The following DCDC2B variants were observed in gnomAD, a reference collection of about 807,000 sequenced individuals.
DCDC2B encodes doublecortin domain-containing protein 2B.
A neutral mutation model predicts 38.9 loss-of-function variants in DCDC2B; 41 were observed. The ratio of observed to expected loss-of-function variants is 1.05; its 90% CI spans 0.82 to 1.37. DCDC2B has a LOEUF of 1.37. Among genes scored for constraint, DCDC2B ranks in the 40% most tolerant of loss-of-function variants. The pLI, the probability that DCDC2B is intolerant of heterozygous loss-of-function variation, is 0.00. For synonymous variants in DCDC2B, 181 were observed against 171.9 expected (o/e 1.05, Z -0.41); for missense variants, 453 against 427.2 (o/e 1.06, Z -0.53).
chr1:32,214,760 C>T, intron 6 of DCDC2B, 37 bp from the exon 7 acceptor site: 1 of 1,611,760 alleles, frequency 6.2e-7, no homozygotes, highest in Non-Finnish European at 8.5e-7. Flanking sequence ...TAAGAATGGC[C>T]AGCAATCAGG....
At position 32,215,508 on chromosome 1, in the gene DCDC2B, G is replaced by C; in HGVS notation, c.919G>C (p.Asp307His). ...ETAGALEVAD[D>H]EDTQTEEPLD... ...AGCGGGGGCCCTGGAAGTAGCAGATGATGAAGACACTCAGACAGAGGAGCC... is the reference window on the plus strand; with the variant it reads ...AGCGGGGGCCCTGGAAGTAGCAGATCATGAAGACACTCAGACAGAGGAGCC... Residue 307 changes from aspartate (D) to histidine (H), a missense_variant, in exon 8 of 9, where the codon GAT (aspartate) becomes CAT (histidine). By Grantham distance (81) the Asp-to-His change is moderately conservative. Transcript: ENST00000409358. 6.2e-7 allele frequency: 1 copy of C among 1,613,850 alleles called. No individual in the cohort carries two copies. The highest frequency in any genetic ancestry group is 8.5e-7 in the Non-Finnish European group (1 of 1,179,848).
At position 32,214,849 on chromosome 1, in the gene DCDC2B, G is replaced by A. The variant is rs777916886; in HGVS notation, c.767G>A (p.Arg256Gln). The stretch of plus-strand genomic sequence containing the variant: ...CAGCCCTCTCCAAAGGAACCAGACC[G>A]AATTAAGCCATCTGCTTTCTATGCC... ...VTQPSPKEPD[R>Q]IKPSAFYARP... Residue 256 changes from arginine (R) to glutamine (Q), a missense_variant, in exon 7 of 9, where the codon CGA (arginine) becomes CAA (glutamine). Physicochemically the swap from Arg to Gln is conservative, Grantham distance 43. Transcript: ENST00000409358. The A allele has an allele frequency of 1.2e-5, 20 of 1,613,828 alleles. No individual in the cohort carries two copies. Among genetic ancestry groups the A allele is most frequent in the Middle Eastern group, 1.6e-4 (1 of 6,084 alleles).
At chr1:32,209,629 C>G (rs544669227) in intron 1 of DCDC2B, among the ~76,000 whole-genome samples, 1 of 152,286 alleles carries the variant, frequency 6.6e-6, no homozygotes, top group East Asian at 1.9e-4. Flanking sequence ...GGGAAGACCA[C>G]TCTCCCACAG....
intron 1 of DCDC2B, among the ~76,000 whole-genome samples, chr1:32,210,324 C>CT (rs1426953153): frequency 1.7e-5 from 2 of 119,404 alleles, no homozygotes; most frequent in Admixed American, 8.9e-5. Context: ...GAAACTCCAT[C>CT]TAAAAAAAAA....
Position 32,215,497 on chromosome 1 carries a change from A to G in DCDC2B, c.908A>G (p.Glu303Gly). 6.2e-7 allele frequency: 1 copy of G among 1,613,762 alleles called. No individual in the cohort carries two copies. The highest frequency in any genetic ancestry group is 1.1e-5 in the South Asian group (1 of 91,066). The part of the protein sequence containing the change: ...HRRKETAGAL[E>G]VADDEDTQTE... ...AGGAAGGAGACAGCGGGGGCCCTGGAAGTAGCAGATGATGAAGACACTCAG... is the reference window on the plus strand; with the variant it reads ...AGGAAGGAGACAGCGGGGGCCCTGGGAGTAGCAGATGATGAAGACACTCAG... Residue 303 changes from glutamate to glycine, a missense_variant, in exon 8 of 9, where the codon GAA becomes GGA. Transcript: ENST00000409358.
At chr1:32,209,623 A>G (rs1218434996) in intron 1 of DCDC2B, among the ~76,000 whole-genome samples, 1 of 152,182 alleles carries the variant, frequency 6.6e-6, no homozygotes, top group African/African-American at 2.4e-5. Context: ...GCCTGTGGGA[A>G]GACCACTCTC....
chr1:32,215,717 C>A (rs1464975528), intron 8 of DCDC2B, 85 bp from the exon 9 acceptor site: 1 of 1,230,574 alleles, frequency 8.1e-7, no homozygotes, highest in African/African-American at 1.5e-5. Context: ...TTTCTTCCTT[C>A]CTTGGGGTTG....
At chr1:32,214,761 A>G (rs1638248504) in intron 6 of DCDC2B, 36 bp from the exon 7 acceptor site, 1 of 1,612,054 alleles carries the variant, frequency 6.2e-7, no homozygotes, top group African/African-American at 1.3e-5. Context: ...AAGAATGGCC[A>G]GCAATCAGGG....
rs776192541 is a variant in DCDC2B, at chr1:32,214,892, T to G, written c.810T>G (p.Ile270Met). ...TCTATGCCAGACCCCAGCAGACCAT[T>G]CAGCCAAGAAGCAAGCTCCCCACAC... is the stretch of plus-strand genomic sequence containing the variant. ...SAFYARPQQT[I>M]QPRSKLPTLS... Residue 270 changes from isoleucine (I) to methionine (M), a missense_variant, in exon 7 of 9, where the codon ATT becomes ATG. Physicochemically the swap from Ile to Met is conservative, Grantham distance 10. Transcript: ENST00000409358. 6.2e-7 allele frequency: 1 copy of G among 1,613,870 alleles called. No individual in the cohort carries two copies. Among genetic ancestry groups the G allele is most frequent in the Admixed American group, 1.7e-5 (1 of 60,026 alleles).
Position 32,209,177 on chromosome 1 carries a change from G to A in DCDC2B, c.84G>A (p.Val28=). 1.9e-6 allele frequency: 3 copies of A among 1,614,018 alleles called. No homozygotes were observed. The highest frequency in any genetic ancestry group is 8.5e-7 in the Non-Finnish European group (1 of 1,179,894). Residue 28 remains valine (V), a synonymous_variant, in exon 1 of 9, where the codon GTG becomes GTA. Coordinates refer to ENST00000409358, the MANE Select transcript of DCDC2B (RefSeq NM_001099434.2). ...TCTTCCCAGGCTCCCAGCTGGTGGTGACTCAACGCCGCTTCCCCACCATGG... is the reference window on the plus strand; with the variant it reads ...TCTTCCCAGGCTCCCAGCTGGTGGTAACTCAACGCCGCTTCCCCACCATGG... ...DPFFPGSQLV[V]TQRRFPTMEA...
chr1:32,216,136 AG>A lies in DCDC2B; in HGVS notation c.*241del, dbSNP rs1638364038. On this transcript the variant is annotated 3_prime_UTR_variant, in exon 9 of 9. Transcript: ENST00000409358. ...CTTATGGGATTCTCTGGCCAGAGAAAGGAGTAGCTGACTAAGCCTGGGAGAG... is the reference window on the plus strand; with the variant it reads ...CTTATGGGATTCTCTGGCCAGAGAAAGAGTAGCTGACTAAGCCTGGGAGAG... 1 of 680,096 alleles carries A rather than the reference AG, an allele frequency of 1.5e-6. No individual in the cohort carries two copies. The highest frequency in any genetic ancestry group is 1.9e-5 in the South Asian group (1 of 51,592). The allele number at this position is 680,096 out of a possible 1,614,324, so 42.1% of individuals were successfully genotyped here. A position where few individuals can be genotyped will look rare whatever the true frequency, so the allele number is the denominator to read the frequency against.
rs182464428 is a variant in DCDC2B at position 32,211,769 on chromosome 1, C to A, written c.327C>A (p.Pro109=). ...CCTGACATGGGTTTCAGGGTCCTCCCGTGACTCGCCACTTGTGTGATGGGG... is the reference window on the plus strand; with the variant it reads ...CCTGACATGGGTTTCAGGGTCCTCCAGTGACTCGCCACTTGTGTGATGGGG... ...GGKSCRLQGP[P]VTRHLCDGAI... is the part of the protein sequence containing the mutation. The change falls in exon 3 of 9, where the codon CCC becomes CCA. Residue 109 remains proline (P), a synonymous_variant. Transcript: ENST00000409358. The A allele has an allele frequency of 2.5e-6, 4 of 1,607,700 alleles. No individual in the cohort carries two copies. In the African/African-American group the frequency reaches 4.0e-5, roughly 16 times the overall value.
chr1:32,213,540 G>A (rs1364604216), intron 6 of DCDC2B, among the ~76,000 whole-genome samples: 5 of 131,060 alleles, frequency 3.8e-5, no homozygotes, highest in Admixed American at 3.4e-4. Flanking sequence ...ATGGAGTCTC[G>A]CTCTGTTGCC....
chr1:32,211,632 T>A (rs1016965562), intron 2 of DCDC2B, 129 bp from the exon 3 acceptor site: 2 of 885,438 alleles, frequency 2.3e-6, no homozygotes, highest in Middle Eastern at 6.6e-4. Flanking sequence ...AGGTGTAAAC[T>A]GTCTTACTCC....
chr1:32,212,922 G>T, intron 6 of DCDC2B, 129 bp downstream of exon 6: 2 of 1,142,002 alleles, frequency 1.8e-6, no homozygotes, highest in Non-Finnish European at 1.2e-6. Flanking sequence ...ACAGAGTCTT[G>T]CTCTGTAGTC....
chr1:32,212,893 T>C, intron 6 of DCDC2B, 100 bp downstream of exon 6: 3 of 1,385,246 alleles, frequency 2.2e-6, no homozygotes, highest in South Asian at 1.3e-5. Context: ...GCATCCTCTC[T>C]TTTTTCTTTT....
chr1:32,215,829 T>A lies in DCDC2B; in HGVS notation c.982T>A (p.Leu328Met), dbSNP rs1364826437. 3 of 1,552,874 alleles carry A rather than the reference T, an allele frequency of 1.9e-6. No homozygotes were observed. Among genetic ancestry groups the A allele is most frequent in the Non-Finnish European group, 2.6e-6 (3 of 1,147,786 alleles). Reference protein sequence around the residue: ...QRAAQIVEEALSLENQPGAGA... With the variant: ...QRAAQIVEEAMSLENQPGAGA... ...GGCAGCACAGATAGTGGAAGAGGCCTTGTCCCTGGAAAACCAGCCTGGGGC... is the reference window on the plus strand; with the variant it reads ...GGCAGCACAGATAGTGGAAGAGGCCATGTCCCTGGAAAACCAGCCTGGGGC... The change falls in exon 9 of 9, where the codon TTG (leucine) becomes ATG (methionine). Residue 328 changes from leucine to methionine, a missense_variant. Coordinates refer to ENST00000409358, the MANE Select transcript of DCDC2B (RefSeq NM_001099434.2).
At chr1:32,214,202 C>T (rs1222696715) in intron 6 of DCDC2B, among the ~76,000 whole-genome samples, 1 of 148,316 alleles carries the variant, frequency 6.7e-6, no homozygotes, top group African/African-American at 2.5e-5. Context: ...GTCCCAGCTA[C>T]TTGGGAGGCT....
chr1:32,215,472 A>C lies in DCDC2B; in HGVS notation c.883A>C (p.Arg295=). The C allele has an allele frequency of 6.2e-7, 1 of 1,613,554 alleles. No individual in the cohort carries two copies. Among genetic ancestry groups the C allele is most frequent in the Non-Finnish European group, 8.5e-7 (1 of 1,179,804 alleles). Residue 295 remains arginine, a synonymous_variant, in exon 8 of 9, where the codon AGG becomes CGG. Coordinates refer to ENST00000409358, the MANE Select transcript of DCDC2B (RefSeq NM_001099434.2). ...VIGVYGAPHR[R]KETAGALEVA... is the part of the protein sequence containing the mutation. ...AGGAGTATATGGAGCTCCCCACCGAAGGAAGGAGACAGCGGGGGCCCTGGA... is the reference window on the plus strand; with the variant it reads ...AGGAGTATATGGAGCTCCCCACCGACGGAAGGAGACAGCGGGGGCCCTGGA...
Sources: gnomAD v4.1 joint callset for allele counts (sites outside exome capture counted in the v4.1 genomes callset) on GRCh38, gnomAD v4.1.1 for gene constraint, MANE v1.5 for transcripts, NCBI Gene and HGNC (gene_info 2026-07-23, HGNC 2026-07-21) for gene names.